CRLF3: variants seen among roughly 807,000 people sequenced by gnomAD.
The protein encoded by CRLF3 is cytokine receptor-like factor 3.
CRLF3 carries 33 observed loss-of-function variants against 55.0 expected under a neutral mutation model. That is an observed-to-expected ratio of 0.60 (90% CI 0.46 to 0.80). CRLF3 has a LOEUF of 0.80. Among genes scored for constraint, CRLF3 ranks in the 30% least tolerant of loss-of-function variants. The probability of loss-of-function intolerance (pLI) is 0.00; values close to 1 mark genes in which losing one functional copy is unlikely to be tolerated. For synonymous variants in CRLF3, 238 were observed against 196.8 expected (o/e 1.21, Z -1.75); for missense variants, 494 against 538.4 (o/e 0.92, Z 0.82).
At chr17:30,788,534 G>T (rs553586830) in intron 6 of CRLF3, among the ~76,000 whole-genome samples, 2 of 149,562 alleles carry the variant, frequency 1.3e-5, no homozygotes, top group South Asian at 2.1e-4. Flanking sequence ...TCTGGCTTCA[G>T]CAGCTCCAAG....
In CRLF3 at chr17:30,784,161, A is replaced by G; in HGVS notation, c.*26T>C. ...CTGAGGACAGCTACGTTAGACCCTGAAAACCAAAGCCAAGCACCCAAACAT... is the reference window on the plus strand; with the variant it reads ...CTGAGGACAGCTACGTTAGACCCTGGAAACCAAAGCCAAGCACCCAAACAT... On this transcript the variant is annotated 3_prime_UTR_variant, in exon 8 of 8. Coordinates refer to ENST00000324238, the MANE Select transcript of CRLF3 (RefSeq NM_015986.4). 1.2e-6 allele frequency: 2 copies of G among 1,603,286 alleles called. No individual in the cohort carries two copies. The highest frequency in any genetic ancestry group is 1.7e-6 in the Non-Finnish European group (2 of 1,174,818).
intron 1 of CRLF3, among the ~76,000 whole-genome samples, chr17:30,821,593 G>A (rs1438724332): frequency 6.6e-6 from 1 of 152,128 alleles, no homozygotes; most frequent in Non-Finnish European, 1.5e-5. Flanking sequence ...CAATTATTCA[G>A]CCATAAAAAG....
At chr17:30,784,561 A>T in intron 7 of CRLF3, 118 bp from the exon 8 acceptor site, 1 of 857,382 alleles carries the variant, frequency 1.2e-6, no homozygotes. Flanking sequence ...AAAATCTGGA[A>T]TGCCAACTGG....
intron 2 of CRLF3, among the ~76,000 whole-genome samples, chr17:30,802,611 T>C (rs1462451407): frequency 6.6e-6 from 1 of 150,874 alleles, no homozygotes; most frequent in African/African-American, 2.4e-5. Context: ...TTTTTTTTTT[T>C]GTAGCGACAG....
At chr17:30,788,407 A>C (rs1367232446) in intron 6 of CRLF3, among the ~76,000 whole-genome samples, 1 of 151,588 alleles carries the variant, frequency 6.6e-6, no homozygotes, top group Non-Finnish European at 1.5e-5. Flanking sequence ...AGGAAAGAGC[A>C]GGAATGTTCA....
At chr17:30,810,907 G>A (rs1337233379) in intron 1 of CRLF3, among the ~76,000 whole-genome samples, 1 of 152,076 alleles carries the variant, frequency 6.6e-6, no homozygotes, top group African/African-American at 2.4e-5. Flanking sequence ...GGGCAACATG[G>A]CAAAACTCTG....
chr17:30,791,087 T>G lies in CRLF3; in HGVS notation c.959+1353A>C, dbSNP rs560871457. Among the ~76,000 whole-genome samples, 311 of 151,508 alleles carry G rather than the reference T, an allele frequency of 2.1e-3. 1 individual carries two copies. Among genetic ancestry groups the G allele is most frequent in the African/African-American group, 7.2e-3 (298 of 41,312 alleles). On this transcript the variant is annotated intron_variant, in intron 6 of 7. Transcript: ENST00000324238. The stretch of plus-strand genomic sequence containing the variant: ...GTGTGTGCCACCACACCCTGCTAAT[T>G]TTTTTTTTCTTTTTGAGACGGGTCT...
chr17:30,810,529 T>G (rs1330128475), intron 1 of CRLF3, among the ~76,000 whole-genome samples: 4 of 151,954 alleles, frequency 2.6e-5, no homozygotes, highest in Non-Finnish European at 4.4e-5. Context: ...GCCATCGCAC[T>G]CCAGCCTGGG....
intron 7 of CRLF3, 51 bp downstream of exon 7, chr17:30,785,866 TTA>T: frequency 1.1e-6 from 1 of 946,208 alleles, no homozygotes; most frequent in Non-Finnish European, 1.7e-6. Flanking sequence ...GATTCACATA[TTA>T]CTAAAATAAT....
intron 1 of CRLF3, among the ~76,000 whole-genome samples, chr17:30,805,509 C>T (rs1022321624): frequency 6.6e-6 from 1 of 151,910 alleles, no homozygotes; most frequent in African/African-American, 2.4e-5. Flanking sequence ...GTCAGGAGTT[C>T]AAGATCAGCC....
intron 6 of CRLF3, 111 bp from the exon 7 acceptor site, chr17:30,786,142 A>C: frequency 4.5e-6 from 3 of 666,986 alleles, no homozygotes; most frequent in Non-Finnish European, 8.0e-6. Flanking sequence ...TTTTTTCTAA[A>C]TAGTACAGCA....
chr17:30,785,765 G>A (rs1299324159), intron 7 of CRLF3, among the ~76,000 whole-genome samples, 154 bp downstream of exon 7: 1 of 150,130 alleles, frequency 6.7e-6, no homozygotes, highest in Non-Finnish European at 1.5e-5. Context: ...CTGAGTGATG[G>A]AGTGAGACTT....
chr17:30,817,745 A>C (rs1472128815), intron 1 of CRLF3, among the ~76,000 whole-genome samples: 1 of 150,426 alleles, frequency 6.6e-6, no homozygotes, highest in East Asian at 2.0e-4. Context: ...ATCTCTACTA[A>C]AAATACAAAA....
intron 1 of CRLF3, among the ~76,000 whole-genome samples, chr17:30,824,152 C>T (rs1439328762): frequency 6.6e-6 from 1 of 151,882 alleles, no homozygotes; most frequent in African/African-American, 2.4e-5. Context: ...TCAATGCCTC[C>T]CCGCCTACCC....
intron 4 of CRLF3, among the ~76,000 whole-genome samples, chr17:30,795,950 C>CT (rs1156550858): frequency 1.3e-5 from 2 of 152,036 alleles, no homozygotes; most frequent in African/African-American, 4.8e-5. Flanking sequence ...GAGCAAAACT[C>CT]TGTCTCAAAA....
intron 6 of CRLF3, among the ~76,000 whole-genome samples, chr17:30,790,441 A>T (rs572017822): frequency 2.6e-5 from 4 of 152,280 alleles, no homozygotes; most frequent in Non-Finnish European, 5.9e-5. Context: ...TACAGAAAGA[A>T]ATGGGTAGAG....
chr17:30,818,713 C>T (rs1904888790), intron 1 of CRLF3, among the ~76,000 whole-genome samples: 1 of 151,900 alleles, frequency 6.6e-6, no homozygotes, highest in Non-Finnish European at 1.5e-5. Flanking sequence ...CTCAGCCTCC[C>T]AAAATGCTGG....
intron 1 of CRLF3, among the ~76,000 whole-genome samples, chr17:30,824,037 T>G (rs1028039210): frequency 6.6e-6 from 1 of 151,978 alleles, no homozygotes; most frequent in Non-Finnish European, 1.5e-5. Flanking sequence ...AATCCCTACC[T>G]CTCCCTCACT....
chr17:30,813,613 T>C (rs1904691145), intron 1 of CRLF3, among the ~76,000 whole-genome samples: 1 of 152,128 alleles, frequency 6.6e-6, no homozygotes, highest in Admixed American at 6.6e-5. Context: ...AGCGTTTTTT[T>C]TTTAATAACT....
Sources: allele counts gnomAD v4.1 joint callset (sites outside exome capture counted in the v4.1 genomes callset), GRCh38; gene constraint gnomAD v4.1.1; transcripts MANE v1.5; gene names NCBI Gene and HGNC (gene_info 2026-07-23, HGNC 2026-07-21).